Variants in EXOC6B observed in about 807,000 individuals in gnomAD.
The protein encoded by EXOC6B is SEC15 homolog B.
A neutral mutation model predicts 113.5 loss-of-function variants in EXOC6B; 54 were observed. The ratio of observed to expected loss-of-function variants is 0.48; its 90% confidence interval spans 0.38 to 0.60. The LOEUF is 0.60. Ranked by LOEUF, EXOC6B falls within the 20% of genes least tolerant of loss-of-function variation. The probability of loss-of-function intolerance (pLI) is 0.00; values close to 1 mark genes in which losing one functional copy is unlikely to be tolerated. For synonymous variants in EXOC6B, 357 were observed against 339.0 expected (o/e 1.05, Z -0.58); for missense variants, 797 against 977.5 (o/e 0.82, Z 2.46).
chr2:72,658,726 T>A (rs377654334), intron 6 of EXOC6B, among the ~76,000 whole-genome samples: 16 of 152,182 alleles, frequency 1.1e-4, no homozygotes, highest in African/African-American at 3.1e-4. Flanking sequence ...AGTATTTTCA[T>A]TTTTCACAAA....
chr2:72,669,041 C>T (rs1558899860), intron 6 of EXOC6B, among the ~76,000 whole-genome samples: 1 of 152,060 alleles, frequency 6.6e-6, no homozygotes, highest in Non-Finnish European at 1.5e-5. Flanking sequence ...GAGTTTTGAT[C>T]ACACTATTGC....
At chr2:72,534,579 G>A (rs530540495) in intron 8 of EXOC6B, among the ~76,000 whole-genome samples, 2 of 152,144 alleles carry the variant, frequency 1.3e-5, no homozygotes, top group Admixed American at 6.5e-5. Context: ...CTTTACGTAC[G>A]CTTAAGAAGA....
intron 6 of EXOC6B, among the ~76,000 whole-genome samples, chr2:72,596,561 C>T (rs1408453258): frequency 6.6e-6 from 1 of 151,268 alleles, no homozygotes; most frequent in Non-Finnish European, 1.5e-5. Flanking sequence ...TCCTTTCTTA[C>T]ATAAAGGAAG....
intron 6 of EXOC6B, among the ~76,000 whole-genome samples, chr2:72,646,245 A>G (rs565291673): frequency 2.6e-5 from 4 of 152,156 alleles, no homozygotes; most frequent in Non-Finnish European, 2.9e-5. Flanking sequence ...TAAACCAGGA[A>G]GAAGTTGAAT....
chr2:72,515,135 A>G lies in EXOC6B; in HGVS notation c.916-9T>C. 6.3e-7 allele frequency: 1 copy of G among 1,586,812 alleles called. No individual in the cohort carries two copies. The highest frequency in any genetic ancestry group is 8.6e-7 in the Non-Finnish European group (1 of 1,164,996). On this transcript the variant is annotated splice_polypyrimidine_tract_variant and intron_variant, in intron 8 of 21. Coordinates refer to ENST00000272427, the MANE Select transcript of EXOC6B (RefSeq NM_015189.3). ...AATGTTTCCCGGGCACCCTGTAAAT[A>G]AAGAAAAGAAAATGGGTTGACACAA...
chr2:72,293,453 G>C (rs999356142), intron 20 of EXOC6B, among the ~76,000 whole-genome samples: 4 of 152,042 alleles, frequency 2.6e-5, no homozygotes, highest in Non-Finnish European at 4.4e-5. Flanking sequence ...ATGAGGGTAG[G>C]CTTATGATAA....
At chr2:72,672,188 C>G (rs1675932181) in intron 6 of EXOC6B, among the ~76,000 whole-genome samples, 1 of 113,776 alleles carries the variant, frequency 8.8e-6, no homozygotes, top group Admixed American at 1.1e-4. Context: ...AATTCGACTA[C>G]TGGGTATATA....
At chr2:72,361,607 T>C (rs1040582557) in intron 19 of EXOC6B, among the ~76,000 whole-genome samples, 3 of 152,200 alleles carry the variant, frequency 2.0e-5, no homozygotes, top group Non-Finnish European at 4.4e-5. Context: ...GGCAGAGTTA[T>C]GCCAATTGGT....
chr2:72,250,985 G>A (rs1466955478), intron 20 of EXOC6B, among the ~76,000 whole-genome samples: 1 of 150,270 alleles, frequency 6.7e-6, no homozygotes, highest in African/African-American at 2.4e-5. Flanking sequence ...TAGTTGAGTA[G>A]TTGGCTAATT....
chr2:72,311,052 A>T (rs1211708820), intron 20 of EXOC6B, among the ~76,000 whole-genome samples: 1 of 152,216 alleles, frequency 6.6e-6, no homozygotes, highest in African/African-American at 2.4e-5. Flanking sequence ...TCTATACTGC[A>T]TTCTGCTATT....
chr2:72,729,338 T>C (rs1331822223), intron 5 of EXOC6B, among the ~76,000 whole-genome samples: 2 of 151,354 alleles, frequency 1.3e-5, no homozygotes, highest in Admixed American at 6.6e-5. Flanking sequence ...TATATTTTTT[T>C]TCTTTACACA....
intron 6 of EXOC6B, 23 bp downstream of exon 6, chr2:72,718,080 C>T (rs751741207): frequency 6.4e-6 from 10 of 1,572,072 alleles, no homozygotes; most frequent in Non-Finnish European, 8.6e-6. Flanking sequence ...CACTGGCCAA[C>T]CTATCATAAA....
At chr2:72,184,325 G>A in intron 20 of EXOC6B, 138 bp from the exon 21 acceptor site, 5 of 549,154 alleles carry the variant, frequency 9.1e-6, no homozygotes, top group Non-Finnish European at 1.3e-5. Context: ...AAAAAGAACA[G>A]CTGCAGACTA....
rs116135183 is a variant in EXOC6B, at chr2:72,425,402, G to A, written c.1980+39758C>T. 4.7e-3 allele frequency among the ~76,000 whole-genome samples: 714 copies of A among 152,238 alleles called. 7 individuals carry two copies. The highest frequency in any genetic ancestry group is 0.016 in the African/African-American group (656 of 41,554). ...AATATGGTGCCAGTTACAACTACAT[G>A]TTATTACTGATTGGAAGACATATTC... On this transcript the variant is annotated intron_variant, in intron 18 of 21. Transcript: ENST00000272427.
At chr2:72,739,364 C>T (rs564461812) in intron 2 of EXOC6B, among the ~76,000 whole-genome samples, 4 of 152,012 alleles carry the variant, frequency 2.6e-5, no homozygotes, top group South Asian at 4.2e-4. Flanking sequence ...GTAAACTGTA[C>T]GTTATTGTGT....
intron 20 of EXOC6B, among the ~76,000 whole-genome samples, chr2:72,326,101 G>A (rs1027603962): frequency 6.6e-6 from 1 of 152,040 alleles, no homozygotes; most frequent in Non-Finnish European, 1.5e-5. Flanking sequence ...GCCTGTAAGG[G>A]TCCTCTAGTA....
chr2:72,373,712 CA>C (rs1429279377), intron 19 of EXOC6B, among the ~76,000 whole-genome samples: 5 of 152,180 alleles, frequency 3.3e-5, no homozygotes, highest in Non-Finnish European at 5.9e-5. Context: ...ACTACAATGA[CA>C]TAGCACTTAA....
chr2:72,514,279 T>A (rs1396276787), intron 10 of EXOC6B, among the ~76,000 whole-genome samples: 1 of 152,092 alleles, frequency 6.6e-6, no homozygotes, highest in Non-Finnish European at 1.5e-5. Context: ...TATCTGGCCC[T>A]TTTGGAAAAA....
intron 20 of EXOC6B, among the ~76,000 whole-genome samples, chr2:72,214,964 C>A (rs13430254): frequency 0.14 from 21,487 of 152,158 alleles, 1,612 homozygotes; most frequent in Admixed American, 0.17. Context: ...GGAGGAAATG[C>A]AGCAAAGAGG....
Sources: gnomAD v4.1 joint callset for allele counts (sites outside exome capture counted in the v4.1 genomes callset) on GRCh38, gnomAD v4.1.1 for gene constraint, MANE v1.5 for transcripts, NCBI Gene and HGNC (gene_info 2026-07-23, HGNC 2026-07-21) for gene names.